The following DOK6 variants were observed in gnomAD, a reference collection of about 807,000 sequenced individuals.
DOK6 encodes the protein downstream of tyrosine kinase 6.
DOK6 carries 22 observed loss-of-function variants against 44.0 expected under a neutral mutation model. The observed-to-expected ratio is 0.50, with a 90% CI of 0.36 to 0.71. The LOEUF (loss-of-function observed/expected upper bound fraction) is 0.71. Among genes scored for constraint, DOK6 ranks in the 30% least tolerant of loss-of-function variants. The probability of loss-of-function intolerance (pLI) is 0.00; values close to 1 mark genes in which losing one functional copy is unlikely to be tolerated. For missense variants in DOK6, 340 were observed against 416.4 expected (o/e 0.82, Z 1.60); for synonymous variants, 166 against 145.5 (o/e 1.14, Z -1.01).
At chr18:69,730,125 A>C (rs1568108122) in intron 5 of DOK6, among the ~76,000 whole-genome samples, 1 of 152,250 alleles carries the variant, frequency 6.6e-6, no homozygotes, top group Non-Finnish European at 1.5e-5. Context: ...AACAACAATT[A>C]GGAATGCTCC....
chr18:69,698,955 T>C (rs540644776), intron 5 of DOK6, among the ~76,000 whole-genome samples: 22 of 152,344 alleles, frequency 1.4e-4, no homozygotes, highest in African/African-American at 5.1e-4. Context: ...CAGCATGTCC[T>C]TGCTTGCATT....
chr18:69,444,773 G>A (rs1396613440), intron 1 of DOK6, among the ~76,000 whole-genome samples: 1 of 151,124 alleles, frequency 6.6e-6, no homozygotes, highest in East Asian at 1.9e-4. Flanking sequence ...CTCCCAAGTA[G>A]CTCTTGAAAT....
At chr18:69,534,099 T>C (rs1282464120) in intron 1 of DOK6, among the ~76,000 whole-genome samples, 1 of 152,092 alleles carries the variant, frequency 6.6e-6, no homozygotes, top group African/African-American at 2.4e-5. Flanking sequence ...TCTTAGAAGC[T>C]CTTTTTTAAA....
chr18:69,446,736 A>G (rs1979305578), intron 1 of DOK6, among the ~76,000 whole-genome samples: 1 of 152,176 alleles, frequency 6.6e-6, no homozygotes, highest in African/African-American at 2.4e-5. Context: ...CTGACTTTTT[A>G]GTGATCACCA....
intron 3 of DOK6, chr18:69,663,066 TA>T (rs1247871151): frequency 6.6e-6 from 1 of 152,224 alleles, no homozygotes; most frequent in African/African-American, 2.4e-5. Context: ...GTCAAGGAGT[TA>T]AAAGGCAGTC....
At chr18:69,829,878 A>G (rs1244164066) in intron 7 of DOK6, among the ~76,000 whole-genome samples, 2 of 152,110 alleles carry the variant, frequency 1.3e-5, no homozygotes, top group Non-Finnish European at 1.5e-5. Context: ...GTTAAGAAAG[A>G]AAGTACTTTT....
intron 1 of DOK6, among the ~76,000 whole-genome samples, chr18:69,543,188 G>A (rs1481326812): frequency 5.3e-5 from 8 of 151,048 alleles, no homozygotes; most frequent in South Asian, 4.2e-4. Flanking sequence ...TTTTATTTTC[G>A]GCTGTCACTT....
At chr18:69,536,644 C>T (rs1242130511) in intron 1 of DOK6, among the ~76,000 whole-genome samples, 1 of 152,056 alleles carries the variant, frequency 6.6e-6, no homozygotes, top group African/African-American at 2.4e-5. Context: ...TAAACATCAT[C>T]ACTTTAATAA....
chr18:69,757,838 G>T lies in DOK6; in HGVS notation c.821G>T (p.Arg274Leu). Residue 274 changes from arginine to leucine, a missense_variant, in exon 7 of 8, where the codon CGT (arginine) becomes CTT (leucine). Physicochemically the swap from Arg to Leu is moderately radical, Grantham distance 102. Coordinates refer to ENST00000382713, the MANE Select transcript of DOK6 (RefSeq NM_152721.6). ...PRSAYWHHIT[R>L]QNSVGEIYSL... ...AGCGCGTACTGGCATCACATCACTC[G>T]TCAGAACAGCGTTGGTGAAATCTAC... is the stretch of plus-strand genomic sequence containing the variant. 1 of 1,614,102 alleles carries T rather than the reference G, an allele frequency of 6.2e-7. No individual in the cohort carries two copies. The highest frequency in any genetic ancestry group is 8.5e-7 in the Non-Finnish European group (1 of 1,179,996).
intron 1 of DOK6, among the ~76,000 whole-genome samples, chr18:69,522,196 G>T (rs1981706401): frequency 6.6e-6 from 1 of 151,310 alleles, no homozygotes; most frequent in Non-Finnish European, 1.5e-5. Context: ...TATATTGTTG[G>T]TTCAAAACAA....
At chr18:69,821,953 A>G (rs1981586315) in intron 7 of DOK6, among the ~76,000 whole-genome samples, 4 of 152,202 alleles carry the variant, frequency 2.6e-5, no homozygotes, top group Admixed American at 2.0e-4. Flanking sequence ...CAGTTCTCTG[A>G]ATTTTATTGG....
intron 1 of DOK6, among the ~76,000 whole-genome samples, chr18:69,507,380 T>C (rs780538938): frequency 6.6e-6 from 1 of 152,124 alleles, no homozygotes; most frequent in Non-Finnish European, 1.5e-5. Context: ...AGTTTCTCAA[T>C]ATTGTTCTTT....
intron 3 of DOK6, among the ~76,000 whole-genome samples, chr18:69,605,995 G>C (rs1005341960): frequency 1.3e-5 from 2 of 152,168 alleles, no homozygotes; most frequent in African/African-American, 4.8e-5. Context: ...ATCCCGGCCA[G>C]GTGCGGTGGC....
intron 1 of DOK6, among the ~76,000 whole-genome samples, chr18:69,510,772 G>GTAACTTTAGTAAAA (rs1167724459): frequency 6.6e-6 from 1 of 152,102 alleles, no homozygotes; most frequent in Non-Finnish European, 1.5e-5. Context: ...ATAGCCAATT[G>GTAACTTTAGTAAAA]TAACTTTAGT....
At chr18:69,571,236 A>G (rs1490410501) in intron 2 of DOK6, among the ~76,000 whole-genome samples, 2 of 151,998 alleles carry the variant, frequency 1.3e-5, no homozygotes, top group African/African-American at 4.8e-5. Flanking sequence ...AGTTAACATA[A>G]AAATATGTAG....
At chr18:69,631,595 G>GA (rs1003275284) in intron 3 of DOK6, among the ~76,000 whole-genome samples, 2 of 152,118 alleles carry the variant, frequency 1.3e-5, no homozygotes, top group African/African-American at 4.8e-5. Flanking sequence ...ATTACTGGGT[G>GA]AAAAACTCAC....
intron 5 of DOK6, among the ~76,000 whole-genome samples, chr18:69,699,816 C>G (rs897967538): frequency 6.6e-6 from 1 of 152,034 alleles, no homozygotes; most frequent in Admixed American, 6.6e-5. Context: ...TATTTTTTTA[C>G]TGGCTTTAAA....
chr18:69,802,613 C>A (rs2145107350), intron 7 of DOK6, among the ~76,000 whole-genome samples: 1 of 152,180 alleles, frequency 6.6e-6, no homozygotes, highest in South Asian at 2.1e-4. Context: ...GCTGTCATCA[C>A]CGTAATGAGT....
chr18:69,461,486 C>G (rs1979786014), intron 1 of DOK6, among the ~76,000 whole-genome samples: 1 of 152,152 alleles, frequency 6.6e-6, no homozygotes, highest in South Asian at 2.1e-4. Flanking sequence ...CTTTATTCAT[C>G]TCATCTGCTT....
Sources: allele counts gnomAD v4.1 joint callset (sites outside exome capture counted in the v4.1 genomes callset), GRCh38; gene constraint gnomAD v4.1.1; transcripts MANE v1.5; gene names NCBI Gene and HGNC (gene_info 2026-07-23, HGNC 2026-07-21).